Variants in GRIN2A observed in about 807,000 individuals in gnomAD.
GRIN2A encodes glutamate ionotropic receptor NMDA type subunit 2A.
Under a neutral mutation model 113.4 loss-of-function variants are expected in GRIN2A, and 22 were observed. The ratio of observed to expected loss-of-function variants is 0.19; its 90% CI spans 0.14 to 0.28. The LOEUF is 0.28. GRIN2A is among the 10% of genes least tolerant of loss of function. GRIN2A has a pLI of 1.00. For synonymous variants in GRIN2A, 827 were observed against 738.4 expected, an observed-to-expected ratio of 1.12 and a Z score of -1.94; for missense variants, 1,502 against 1,887.0, an observed-to-expected ratio of 0.80 and a Z score of 3.78.
chr16:9,825,139 CT>C (rs2042362313), intron 9 of GRIN2A, among the ~76,000 whole-genome samples: 1 of 152,188 alleles, frequency 6.6e-6, no homozygotes. Flanking sequence ...TGTAGGTTAA[CT>C]GGTTTCACCT....
chr16:9,768,337 C>A (rs566737270), intron 12 of GRIN2A, among the ~76,000 whole-genome samples: 28 of 152,300 alleles, frequency 1.8e-4, no homozygotes, highest in Middle Eastern at 3.4e-3. Context: ...TAGGCATGAG[C>A]CACCGTGCCC....
chr16:10,053,121 G>A (rs1053445568), intron 2 of GRIN2A, among the ~76,000 whole-genome samples: 3 of 151,936 alleles, frequency 2.0e-5, no homozygotes, highest in African/African-American at 2.4e-5. Context: ...AGCCCCACTA[G>A]TAATTCTGCC....
intron 10 of GRIN2A, among the ~76,000 whole-genome samples, chr16:9,810,679 C>A (rs575683828): frequency 6.6e-6 from 1 of 152,176 alleles, no homozygotes; most frequent in African/African-American, 2.4e-5. Context: ...TCGCTTAGAG[C>A]CTTCAGAGGG....
chr16:10,015,100 A>T (rs1049919610), intron 2 of GRIN2A, among the ~76,000 whole-genome samples: 3 of 151,828 alleles, frequency 2.0e-5, no homozygotes, highest in Non-Finnish European at 4.4e-5. Flanking sequence ...CTAAAAGTAC[A>T]AAAATTAGCT....
chr16:10,093,784 G>T (rs984512196), intron 2 of GRIN2A, among the ~76,000 whole-genome samples: 11 of 152,136 alleles, frequency 7.2e-5, no homozygotes, highest in Non-Finnish European at 1.5e-4. Flanking sequence ...TTGATCACGT[G>T]ACTTAGTTTG....
At chr16:10,149,880 CT>C (rs756609567) in intron 2 of GRIN2A, among the ~76,000 whole-genome samples, 1 of 152,188 alleles carries the variant, frequency 6.6e-6, no homozygotes, top group African/African-American at 2.4e-5. Flanking sequence ...CCAAACTGCT[CT>C]TTTAAAAAGT....
At chr16:9,995,726 T>C (rs1393372700) in intron 2 of GRIN2A, among the ~76,000 whole-genome samples, 1 of 152,186 alleles carries the variant, frequency 6.6e-6, no homozygotes, top group East Asian at 1.9e-4. Context: ...TCCAAAGCCC[T>C]CATCCCCTTT....
At position 9,757,495 on chromosome 16, in the gene GRIN2A, T is replaced by C. The variant is rs1900399493; in HGVS notation, c.*5654A>G. ...TGCATGGGTCCTTGGTTATCCTTTGTATTAGAGAACTGAACTTCTAAACCA... is the reference window on the plus strand; with the variant it reads ...TGCATGGGTCCTTGGTTATCCTTTGCATTAGAGAACTGAACTTCTAAACCA... On this transcript the variant is annotated 3_prime_UTR_variant, in exon 13 of 13. Coordinates refer to ENST00000330684, the MANE Select transcript of GRIN2A (RefSeq NM_001134407.3). The C allele has an allele frequency of 4.4e-6, 1 of 229,596 alleles. No homozygotes were observed. Among genetic ancestry groups the C allele is most frequent in the Non-Finnish European group, 8.6e-6 (1 of 115,730 alleles). The allele number at this position is 229,596 out of a possible 1,614,324, so 14.2% of individuals were successfully genotyped here.
chr16:9,849,431 C>T (rs1201225806), intron 5 of GRIN2A, among the ~76,000 whole-genome samples: 1 of 151,694 alleles, frequency 6.6e-6, no homozygotes, highest in Admixed American at 6.6e-5. Context: ...TCAGTTGGAC[C>T]ACTGTTTGAG....
chr16:9,907,071 C>G (rs1457740389), intron 3 of GRIN2A, among the ~76,000 whole-genome samples: 2 of 152,140 alleles, frequency 1.3e-5, no homozygotes, highest in Non-Finnish European at 2.9e-5. Context: ...CCTTGGCCTC[C>G]CAAAGTGCTG....
intron 8 of GRIN2A, 107 bp from the exon 9 acceptor site, chr16:9,829,759 G>C (rs2042454735): frequency 1.3e-6 from 1 of 749,734 alleles, no homozygotes; most frequent in South Asian, 1.5e-5. Context: ...GCCAGAAGAT[G>C]GAATTATATC....
In GRIN2A at chr16:9,760,178, A is replaced by G. The variant is rs1900519480; in HGVS notation, c.*2971T>C. ...ACTCAGAGCTGGGATATGTTACGGG[A>G]ATCTTCTGTGATAGATCTATAGTCT... On this transcript the variant is annotated 3_prime_UTR_variant, in exon 13 of 13. Coordinates refer to ENST00000330684, the MANE Select transcript of GRIN2A (RefSeq NM_001134407.3). The G allele has an allele frequency of 4.4e-6, 1 of 226,540 alleles. No homozygotes were observed. Among genetic ancestry groups the G allele is most frequent in the African/African-American group, 2.2e-5 (1 of 44,940 alleles). 14.0% of individuals were successfully genotyped at this position (226,540 alleles called of 1,614,324 possible). A position where few individuals can be genotyped will look rare whatever the true frequency, so the allele number is the denominator to read the frequency against.
At chr16:9,815,859 ACAACT>A (rs1244939949) in intron 10 of GRIN2A, among the ~76,000 whole-genome samples, 11 of 152,286 alleles carry the variant, frequency 7.2e-5, no homozygotes, top group African/African-American at 2.7e-4. Flanking sequence ...AAATGCTGAG[ACAACT>A]CAAGTGTCCA....
rs768819712 is a variant in GRIN2A, at chr16:9,784,425, T to TAAC, written c.2356+13849_2356+13851dup. ...AGCCTGGGCTACAAGAGCAAAACTC[T>TAAC]AACAACAACAACAACCAAAAAAAAA... On this transcript the variant is annotated intron_variant, in intron 11 of 12. Coordinates refer to ENST00000330684, the MANE Select transcript of GRIN2A (RefSeq NM_001134407.3). Among the ~76,000 whole-genome samples the TAAC allele has an allele frequency of 8.5e-3, 995 of 117,104 alleles. 17 individuals carry two copies. The highest frequency in any genetic ancestry group is 0.034 in the African/African-American group (949 of 28,140). 76.8% of individuals were successfully genotyped at this position (117,104 alleles called of 152,430 possible). A position where few individuals can be genotyped will look rare whatever the true frequency, so the allele number is the denominator to read the frequency against.
intron 2 of GRIN2A, among the ~76,000 whole-genome samples, chr16:9,954,674 C>A (rs562233241): frequency 3.3e-5 from 5 of 152,248 alleles, no homozygotes; most frequent in African/African-American, 1.2e-4. Context: ...GCAAAATTTT[C>A]AGGCCACAAA....
intron 3 of GRIN2A, among the ~76,000 whole-genome samples, chr16:9,920,710 G>A (rs1394907087): frequency 6.6e-6 from 1 of 151,930 alleles, no homozygotes; most frequent in African/African-American, 2.4e-5. Flanking sequence ...GGGACTACAG[G>A]TGCACGCCAC....
intron 4 of GRIN2A, among the ~76,000 whole-genome samples, chr16:9,850,983 A>G (rs777242830): frequency 7.2e-5 from 11 of 152,116 alleles, no homozygotes; most frequent in Non-Finnish European, 1.2e-4. Flanking sequence ...CTTTATTTGT[A>G]ATACCAACCT....
intron 2 of GRIN2A, among the ~76,000 whole-genome samples, chr16:10,051,182 G>A (rs1950780611): frequency 6.6e-6 from 1 of 152,138 alleles, no homozygotes; most frequent in African/African-American, 2.4e-5. Flanking sequence ...TCAGTTCCTG[G>A]GATTTTGGTG....
At position 9,938,282 on chromosome 16, in the gene GRIN2A, C is replaced by A. The variant is rs777529531; in HGVS notation, c.684G>T (p.Leu228Phe). ...QLKKIHSSVI[L>F]LYCSKDEAVL... ...CAGCCTCGTCTTTGGAACAGTAGAG[C>A]AAGATGACAGAAGAGTGGATCTTCT... The change falls in exon 3 of 13, where the codon TTG (leucine) becomes TTT (phenylalanine). Residue 228 changes from leucine (L) to phenylalanine (F), a missense_variant. Coordinates refer to ENST00000330684, the MANE Select transcript of GRIN2A (RefSeq NM_001134407.3). 1 of 1,614,104 alleles carries A rather than the reference C, an allele frequency of 6.2e-7. No individual in the cohort carries two copies. The highest frequency in any genetic ancestry group is 1.7e-5 in the Admixed American group (1 of 60,016).
Sources: allele counts gnomAD v4.1 joint callset (sites outside exome capture counted in the v4.1 genomes callset), GRCh38; gene constraint gnomAD v4.1.1; transcripts MANE v1.5; gene names NCBI Gene and HGNC (gene_info 2026-07-23, HGNC 2026-07-21).